Variants in LYN observed in about 807,000 individuals in gnomAD.
LYN encodes the protein LYN proto-oncogene, Src family tyrosine kinase, also known as tyrosine-protein kinase Lyn.
LYN carries 12 observed loss-of-function variants against 65.0 expected under a neutral mutation model. The ratio of observed to expected loss-of-function variants is 0.18; its 90% CI spans 0.12 to 0.30. The LOEUF (loss-of-function observed/expected upper bound fraction) is 0.30. Ranked by LOEUF, LYN falls within the 10% of genes least tolerant of loss-of-function variation. The pLI, the probability that LYN is intolerant of heterozygous loss-of-function variation, is 1.00. For missense variants in LYN, 380 were observed against 623.2 expected, an observed-to-expected ratio of 0.61 and a Z score of 4.16; for synonymous variants, 222 against 221.2, an observed-to-expected ratio of 1.00 and a Z score of -0.03.
intron 1 of LYN, among the ~76,000 whole-genome samples, chr8:55,922,767 A>G (rs1457021856): frequency 2.7e-5 from 4 of 147,694 alleles, no homozygotes; most frequent in East Asian, 1.9e-4. Flanking sequence ...AATTCCATCA[A>G]AAAAAAAAAA....
intron 8 of LYN, among the ~76,000 whole-genome samples, chr8:55,956,517 AG>A (rs1807117466): frequency 6.6e-6 from 1 of 152,210 alleles, no homozygotes; most frequent in Non-Finnish European, 1.5e-5. Context: ...ATTTAAATTT[AG>A]TTTCTCCGTG....
At position 55,946,487 on chromosome 8, in the gene LYN, A is replaced by T; in HGVS notation, c.172A>T (p.Thr58Ser). 6.2e-7 allele frequency: 1 copy of T among 1,606,952 alleles called. No homozygotes were observed. Among genetic ancestry groups the T allele is most frequent in the Non-Finnish European group, 8.5e-7 (1 of 1,174,676 alleles). The change falls in exon 3 of 13, where the codon ACT becomes TCT. Residue 58 changes from threonine (T) to serine (S), a missense_variant. Physicochemically the swap from Thr to Ser is moderately conservative, Grantham distance 58. Coordinates refer to ENST00000519728, the MANE Select transcript of LYN (RefSeq NM_002350.4). ...GCTTTTACCTGGACAGAGGTTTCAAACTAAAGGTATGTTTTCATAGCAACA... is the reference window on the plus strand; with the variant it reads ...GCTTTTACCTGGACAGAGGTTTCAATCTAAAGGTATGTTTTCATAGCAACA... ...SQLLPGQRFQ[T>S]KDPEEQGDIV...
At chr8:55,922,288 C>T (rs894800027) in intron 1 of LYN, among the ~76,000 whole-genome samples, 1 of 152,066 alleles carries the variant, frequency 6.6e-6, no homozygotes, top group Non-Finnish European at 1.5e-5. Flanking sequence ...GGGGGTCTCA[C>T]TGTGTTACCC....
chr8:56,003,062 G>GTTT (rs749463299), intron 12 of LYN, among the ~76,000 whole-genome samples: 101 of 136,848 alleles, frequency 7.4e-4, no homozygotes, highest in South Asian at 5.0e-3. Flanking sequence ...TTTGTTTTTT[G>GTTT]TTTTTTTTTT....
intron 10 of LYN, among the ~76,000 whole-genome samples, chr8:55,992,196 C>T (rs1464731641): frequency 2.0e-5 from 3 of 152,200 alleles, no homozygotes; most frequent in Non-Finnish European, 4.4e-5. Flanking sequence ...AAGAGAATCA[C>T]ATGGCCTAAG....
intron 8 of LYN, among the ~76,000 whole-genome samples, chr8:55,964,422 T>C: frequency 6.6e-6 from 1 of 152,154 alleles, no homozygotes; most frequent in East Asian, 1.9e-4. Flanking sequence ...AAATAAAACA[T>C]TTTAATAGAG....
chr8:55,905,373 C>T (rs1207512102), intron 1 of LYN, among the ~76,000 whole-genome samples: 3 of 151,790 alleles, frequency 2.0e-5, no homozygotes, highest in Admixed American at 6.6e-5. Context: ...AGTGCCATTG[C>T]ACTCCAGCCT....
At chr8:55,887,066 G>C (rs1440105575) in intron 1 of LYN, among the ~76,000 whole-genome samples, 3 of 152,188 alleles carry the variant, frequency 2.0e-5, no homozygotes, top group Non-Finnish European at 4.4e-5. Context: ...CACAAATTAA[G>C]TCACATTCAT....
chr8:56,004,788 CATTT>C (rs1563331534), intron 12 of LYN, among the ~76,000 whole-genome samples: 1 of 151,950 alleles, frequency 6.6e-6, no homozygotes, highest in African/African-American at 2.4e-5. Flanking sequence ...TTTTATTTTT[CATTT>C]ATTTATTTAT....
rs752479427 is a variant in LYN at position 56,014,065 on chromosome 8, A to G, written c.*3955A>G. The G allele has an allele frequency of 2.0e-5, 3 of 152,242 alleles. No homozygotes were observed. Among genetic ancestry groups the G allele is most frequent in the Non-Finnish European group, 4.4e-5 (3 of 68,044 alleles). 9.4% of individuals were successfully genotyped at this position (152,242 alleles called of 1,614,324 possible). A position where few individuals can be genotyped will look rare whatever the true frequency, so the allele number is the denominator to read the frequency against. On this transcript the variant is annotated 3_prime_UTR_variant, in exon 13 of 13. Coordinates refer to ENST00000519728, the MANE Select transcript of LYN (RefSeq NM_002350.4). ...GACCCTGGAAGATCTGGACAATGCT[A>G]TCACTATTTCACAGCTGAGAGATCG...
intron 1 of LYN, among the ~76,000 whole-genome samples, chr8:55,912,204 G>A (rs924480687): frequency 1.3e-5 from 2 of 152,322 alleles, no homozygotes; most frequent in Admixed American, 1.3e-4. Flanking sequence ...ATATTTCACC[G>A]TGTAACACAT....
In LYN at chr8:55,908,989, G is replaced by GTATA. The variant is rs373570614; in HGVS notation, c.-6+28905_-6+28908dup. 5.5e-3 allele frequency among the ~76,000 whole-genome samples: 112 copies of GTATA among 20,346 alleles called. 3 individuals carry two copies. Among genetic ancestry groups the GTATA allele is most frequent in the East Asian group, 0.011 (3 of 274 alleles). 13.3% of individuals were successfully genotyped at this position (20,346 alleles called of 152,430 possible). A position where few individuals can be genotyped will look rare whatever the true frequency, so the allele number is the denominator to read the frequency against. ...GGCTGAATGGTATTCCATTGTGTAT[G>GTATA]TATATATATATATATATATATACAC... On this transcript the variant is annotated intron_variant, in intron 1 of 12. Transcript: ENST00000519728.
Position 55,901,175 on chromosome 8 carries a change from C to T in LYN, c.-6+21072C>T, listed in dbSNP as rs544392318. Among the ~76,000 whole-genome samples, 5 of 152,166 alleles carry T rather than the reference C, an allele frequency of 3.3e-5. No individual in the cohort carries two copies. The South Asian group carries it at 6.2e-4, about 19-fold the overall frequency. ...GCTTTTTTTTCCCTCTCCTTCCCCC[C>T]GTAATACTTTATGAATAGATGTTTC... On this transcript the variant is annotated intron_variant, in intron 1 of 12. Transcript: ENST00000519728.
intron 6 of LYN, among the ~76,000 whole-genome samples, chr8:55,951,606 A>T (rs1428479531): frequency 6.6e-6 from 1 of 151,930 alleles, no homozygotes; most frequent in Non-Finnish European, 1.5e-5. Flanking sequence ...TGGAGGCTGC[A>T]GTTAGCTATG....
At chr8:55,930,698 T>G (rs1056116628) in intron 1 of LYN, among the ~76,000 whole-genome samples, 7 of 152,338 alleles carry the variant, frequency 4.6e-5, no homozygotes, top group African/African-American at 9.6e-5. Context: ...CAAATGGGGA[T>G]GCGGCACGTG....
chr8:55,891,416 C>T (rs1238987811), intron 1 of LYN, among the ~76,000 whole-genome samples: 1 of 151,382 alleles, frequency 6.6e-6, no homozygotes, highest in Non-Finnish European at 1.5e-5. Flanking sequence ...GGACATCATG[C>T]TAAGTGAAAT....
chr8:55,908,071 G>A (rs1055778721), intron 1 of LYN, among the ~76,000 whole-genome samples: 3 of 151,976 alleles, frequency 2.0e-5, no homozygotes, highest in Non-Finnish European at 2.9e-5. Context: ...TCCTGGGAAG[G>A]ATTAGCATAT....
chr8:55,942,388 T>C (rs1806645586), intron 2 of LYN, among the ~76,000 whole-genome samples: 2 of 134,608 alleles, frequency 1.5e-5, no homozygotes, highest in Admixed American at 7.4e-5. Flanking sequence ...TGTGTATATA[T>C]ATATGTGTAT....
At chr8:55,902,687 A>G in intron 1 of LYN, 1 of 437,358 alleles carries the variant, frequency 2.3e-6, no homozygotes, top group East Asian at 6.0e-5. Context: ...GAAAGTCAAC[A>G]TTTTTCTTCT....
Sources: allele counts gnomAD v4.1 joint callset (sites outside exome capture counted in the v4.1 genomes callset), GRCh38; gene constraint gnomAD v4.1.1; transcripts MANE v1.5; gene names NCBI Gene and HGNC (gene_info 2026-07-23, HGNC 2026-07-21).